GRIK2: variants seen among roughly 807,000 people sequenced by gnomAD.
GRIK2 encodes glutamate receptor ionotropic, kainate 2.
Under a neutral mutation model 100.3 loss-of-function variants are expected in GRIK2, and 32 were observed. That is an observed-to-expected ratio of 0.32 (90% CI 0.24 to 0.43). GRIK2 has a LOEUF of 0.43. Ranked by LOEUF, GRIK2 falls within the 20% of genes least tolerant of loss-of-function variation. The pLI is 1.00. For missense variants in GRIK2, 843 were observed against 1,114.9 expected (o/e 0.76, Z 3.47); for synonymous variants, 417 against 389.4 (o/e 1.07, Z -0.83).
intron 2 of GRIK2, among the ~76,000 whole-genome samples, chr6:101,576,042 T>C (rs1218812868): frequency 3.3e-5 from 5 of 152,074 alleles, no homozygotes; most frequent in Middle Eastern, 3.2e-3. Flanking sequence ...GCATATGATA[T>C]AATAAACATG....
At chr6:101,960,910 G>C (rs1419909268) in intron 14 of GRIK2, among the ~76,000 whole-genome samples, 1 of 152,140 alleles carries the variant, frequency 6.6e-6, no homozygotes, top group East Asian at 1.9e-4. Context: ...TAGTGGGCTG[G>C]TCTGTCAAAT....
At chr6:101,804,562 C>T (rs889453441) in intron 9 of GRIK2, among the ~76,000 whole-genome samples, 8 of 151,894 alleles carry the variant, frequency 5.3e-5, no homozygotes, top group Non-Finnish European at 1.5e-5. Flanking sequence ...AGCATTTGGA[C>T]TATGTTTTTA....
intron 11 of GRIK2, among the ~76,000 whole-genome samples, chr6:101,879,911 T>C (rs556366853): frequency 6.6e-6 from 1 of 152,062 alleles, no homozygotes; most frequent in African/African-American, 2.4e-5. Flanking sequence ...TCAGTGACGT[T>C]TTGACTTTAC....
chr6:101,827,487 C>CA (rs113087251), intron 10 of GRIK2, among the ~76,000 whole-genome samples: 19,371 of 145,048 alleles, frequency 0.13, 3,550 homozygotes, highest in African/African-American at 0.42. Flanking sequence ...CAAAACAAAA[C>CA]AAAAAAAAAC....
At chr6:101,472,728 T>C (rs1772013661) in intron 2 of GRIK2, among the ~76,000 whole-genome samples, 1 of 151,838 alleles carries the variant, frequency 6.6e-6, no homozygotes, top group Non-Finnish European at 1.5e-5. Context: ...CCATTCCTTC[T>C]TGTGATTTAA....
chr6:101,937,688 A>G (rs922509708), intron 14 of GRIK2, among the ~76,000 whole-genome samples: 1 of 152,078 alleles, frequency 6.6e-6, no homozygotes, highest in Non-Finnish European at 1.5e-5. Flanking sequence ...ATACAAACAA[A>G]AAAACCCAGA....
chr6:101,443,303 C>T (rs1406647666), intron 2 of GRIK2, among the ~76,000 whole-genome samples: 5 of 151,972 alleles, frequency 3.3e-5, no homozygotes, highest in Non-Finnish European at 5.9e-5. Flanking sequence ...AAATAAAGGG[C>T]AAAATGTCTC....
intron 4 of GRIK2, among the ~76,000 whole-genome samples, chr6:101,664,089 G>C (rs890055784): frequency 2.6e-5 from 4 of 152,142 alleles, no homozygotes; most frequent in African/African-American, 9.7e-5. Context: ...ACCATGCCTG[G>C]AGTTTATTCT....
intron 2 of GRIK2, among the ~76,000 whole-genome samples, chr6:101,571,016 T>A (rs1048919113): frequency 6.6e-6 from 1 of 152,176 alleles, no homozygotes; most frequent in African/African-American, 2.4e-5. Context: ...GTTCTTGTGA[T>A]TTTTCTGTAG....
At chr6:101,551,691 C>T (rs1339195443) in intron 2 of GRIK2, among the ~76,000 whole-genome samples, 3 of 152,108 alleles carry the variant, frequency 2.0e-5, no homozygotes, top group African/African-American at 7.2e-5. Flanking sequence ...AAGACTTATA[C>T]TACCAAAAAG....
At chr6:101,656,481 A>G (rs1414700958) in intron 4 of GRIK2, among the ~76,000 whole-genome samples, 1 of 152,164 alleles carries the variant, frequency 6.6e-6, no homozygotes, top group Non-Finnish European at 1.5e-5. Flanking sequence ...TTTTCATTTC[A>G]GCAAATAGGA....
intron 14 of GRIK2, among the ~76,000 whole-genome samples, chr6:101,976,791 A>T (rs574092128): frequency 6.7e-6 from 1 of 149,882 alleles, no homozygotes; most frequent in South Asian, 2.1e-4. Context: ...TCTGGTGGAC[A>T]GAAATTTCAT....
chr6:101,735,364 G>T (rs1345916995), intron 7 of GRIK2, among the ~76,000 whole-genome samples: 3 of 152,054 alleles, frequency 2.0e-5, no homozygotes, highest in South Asian at 2.1e-4. Context: ...GAAATAACAG[G>T]GTTTAGAAAA....
intron 14 of GRIK2, among the ~76,000 whole-genome samples, chr6:101,958,883 A>G (rs978409800): frequency 2.0e-5 from 3 of 152,060 alleles, no homozygotes; most frequent in Non-Finnish European, 4.4e-5. Context: ...AACCCACTTG[A>G]TTATGGTGTA....
intron 7 of GRIK2, among the ~76,000 whole-genome samples, chr6:101,746,271 C>T (rs1246467033): frequency 1.3e-5 from 2 of 152,120 alleles, no homozygotes; most frequent in Admixed American, 1.3e-4. Context: ...GTATATCATC[C>T]TCACAAATAG....
chr6:101,654,224 G>A (rs951034469), intron 4 of GRIK2, among the ~76,000 whole-genome samples: 2 of 152,048 alleles, frequency 1.3e-5, no homozygotes, highest in African/African-American at 4.8e-5. Context: ...TAAAATCAAG[G>A]TCATTGTATC....
chr6:101,589,033 T>A (rs1176855674), intron 2 of GRIK2, among the ~76,000 whole-genome samples: 1 of 152,012 alleles, frequency 6.6e-6, no homozygotes, highest in Non-Finnish European at 1.5e-5. Context: ...CATTTATAAT[T>A]AATAAAGAGT....
intron 2 of GRIK2, among the ~76,000 whole-genome samples, chr6:101,463,056 A>G (rs1771419315): frequency 6.6e-6 from 1 of 152,220 alleles, no homozygotes; most frequent in Admixed American, 6.5e-5. Flanking sequence ...GCCATCTTAA[A>G]GATTTCAGAC....
At chr6:101,819,739 T>C (rs1781840888) in intron 10 of GRIK2, among the ~76,000 whole-genome samples, 1 of 152,150 alleles carries the variant, frequency 6.6e-6, no homozygotes, top group Non-Finnish European at 1.5e-5. Context: ...ACTATTGCAG[T>C]AGCCACGTAA....
Sources: allele counts gnomAD v4.1 joint callset (sites outside exome capture counted in the v4.1 genomes callset), GRCh38; gene constraint gnomAD v4.1.1; transcripts MANE v1.5; gene names NCBI Gene and HGNC (gene_info 2026-07-23, HGNC 2026-07-21).